Variants in IKBIP observed in about 807,000 individuals in gnomAD.
IKBIP encodes inhibitor of nuclear factor kappa-B kinase-interacting protein.
In IKBIP, 28 loss-of-function variants were observed where a neutral mutation model predicts 31.0. The ratio of observed to expected loss-of-function variants is 0.90; its 90% CI spans 0.67 to 1.24. The LOEUF is 1.24. Ranked by LOEUF, IKBIP falls within the 50% of genes most tolerant of loss-of-function variation. The pLI, the probability that IKBIP is intolerant of heterozygous loss-of-function variation, is 0.00. For missense variants in IKBIP, 453 were observed against 441.9 expected, an observed-to-expected ratio of 1.03 and a Z score of -0.23; for synonymous variants, 164 against 160.3, an observed-to-expected ratio of 1.02 and a Z score of -0.17.
intron 1 of IKBIP, among the ~76,000 whole-genome samples, chr12:98,635,682 T>G (rs1319736780): frequency 6.6e-6 from 1 of 152,184 alleles, no homozygotes; most frequent in African/African-American, 2.4e-5. Context: ...ACAAGAGTCG[T>G]CTATAAAAAG....
At position 98,624,789 on chromosome 12, in the gene IKBIP, C is replaced by T; in HGVS notation, c.*1141G>A. ...ATGTTACTTTTCCCTCAAAACAGGC[C>T]ACAGGCTTATTTTTATTTATTTATT... On this transcript the variant is annotated 3_prime_UTR_variant, in exon 3 of 3. Coordinates refer to ENST00000299157, the MANE Select transcript of IKBIP (RefSeq NM_153687.4). The T allele has an allele frequency of 1.2e-6, 1 of 869,356 alleles. No individual in the cohort carries two copies. The highest frequency in any genetic ancestry group is 1.4e-6 in the Non-Finnish European group (1 of 724,544). The allele number at this position is 869,356 out of a possible 1,614,324, so 53.9% of individuals were successfully genotyped here.
rs764951044 is a variant in IKBIP, at chr12:98,644,730, G to A, written c.-29C>T. ...TGGAGACCCTAGGACGACAAGCCCA[G>A]GGCAGCTTCTTCACCAGGGGGAGCA... On this transcript the variant is annotated 5_prime_UTR_variant, in exon 1 of 3. Transcript: ENST00000299157. The A allele has an allele frequency of 6.3e-7, 1 of 1,578,516 alleles. No individual in the cohort carries two copies. The highest frequency in any genetic ancestry group is 1.4e-5 in the African/African-American group (1 of 71,708).
chr12:98,623,061 C>T (rs1179724920), downstream of IKBIP, among the ~76,000 whole-genome samples: 1 of 150,642 alleles, frequency 6.6e-6, no homozygotes, highest in Non-Finnish European at 1.5e-5. Flanking sequence ...CTCACTGCAA[C>T]CTCTGCCTCC....
chr12:98,642,048 G>A lies in IKBIP; in HGVS notation c.179+2475C>T, dbSNP rs369119049. 9.9e-5 allele frequency among the ~76,000 whole-genome samples: 15 copies of A among 152,280 alleles called. 2 individuals carry two copies. Among genetic ancestry groups the A allele is most frequent in the East Asian group, 3.9e-4 (2 of 5,190 alleles). On this transcript the variant is annotated intron_variant, in intron 1 of 2. Transcript: ENST00000299157. The stretch of plus-strand genomic sequence containing the variant: ...ATGAATGTAATACATTCATTACAAT[G>A]TAATACAGGAATCACTAACAGCAAA...
chr12:98,625,874 A>G lies in IKBIP; in HGVS notation c.*56T>C, dbSNP rs1389999629. The G allele has an allele frequency of 2.3e-6, 3 of 1,304,618 alleles. No individual in the cohort carries two copies. The highest frequency in any genetic ancestry group is 2.0e-6 in the Non-Finnish European group (2 of 996,844). The allele number at this position is 1,304,618 out of a possible 1,614,324, so 80.8% of individuals were successfully genotyped here. ...GGCGTATCAAAGTAACTCAAAATCA[A>G]TGGACTAATCAATTTATGTATAATG... On this transcript the variant is annotated 3_prime_UTR_variant, in exon 3 of 3. Coordinates refer to ENST00000299157, the MANE Select transcript of IKBIP (RefSeq NM_153687.4).
chr12:98,616,892 A>G lies in IKBIP; in HGVS notation c.298-2552T>C, dbSNP rs146202487. ...GTTTGGATTACTACAGCTTTGTAATATATTTTGAGATCGGGTAGTGTGATG... is the reference window on the plus strand; with the variant it reads ...GTTTGGATTACTACAGCTTTGTAATGTATTTTGAGATCGGGTAGTGTGATG... On this transcript the variant is annotated intron_variant, in intron 2 of 2. Coordinates refer to the IKBIP transcript ENST00000342502. Among the ~76,000 whole-genome samples the G allele has an allele frequency of 5.7e-3, 870 of 152,180 alleles. 10 individuals are homozygous for G. Among genetic ancestry groups the G allele is most frequent in the African/African-American group, 0.02 (826 of 41,504 alleles).
At position 98,642,599 on chromosome 12, in the gene IKBIP, C is replaced by CTTT. The variant is rs11380575; in HGVS notation, c.179+1921_179+1923dup. Among the ~76,000 whole-genome samples the CTTT allele has an allele frequency of 1.6e-3, 180 of 115,250 alleles. 4 individuals are homozygous for CTTT. The highest frequency in any genetic ancestry group is 6.7e-3 in the Middle Eastern group (1 of 150). 75.6% of individuals were successfully genotyped at this position (115,250 alleles called of 152,430 possible). A position where few individuals can be genotyped will look rare whatever the true frequency, so the allele number is the denominator to read the frequency against. On this transcript the variant is annotated intron_variant, in intron 1 of 2. Coordinates refer to ENST00000299157, the MANE Select transcript of IKBIP (RefSeq NM_153687.4). ...TTAGTAAAATAAATAATGCTATCTG[C>CTTT]TTTTTTTTTTTTTTTTTTTGAGAAG...
At chr12:98,617,828 T>C (rs1392133538) in intron 2 of IKBIP, among the ~76,000 whole-genome samples, 1 of 152,248 alleles carries the variant, frequency 6.6e-6, no homozygotes, top group East Asian at 1.9e-4. Context: ...CCATTTATAA[T>C]GTGTAAGTCA....
downstream of IKBIP, among the ~76,000 whole-genome samples, chr12:98,621,713 T>G (rs1030687080): frequency 1.5e-4 from 23 of 152,150 alleles, no homozygotes; most frequent in African/African-American, 5.5e-4. Context: ...TAATAGCTAG[T>G]AAAGGTGTAG....
Position 98,624,870 on chromosome 12 carries a change from T to C in IKBIP, c.*1060A>G, listed in dbSNP as rs1039491374. ...CTCAGGCTGGAGTGCAGTGGCGCGA[T>C]CTCGGCTCACTGCAAGCTCTGCCTC... On this transcript the variant is annotated 3_prime_UTR_variant, in exon 3 of 3. Transcript: ENST00000299157. The C allele has an allele frequency of 2.1e-6, 1 of 476,892 alleles. No individual in the cohort carries two copies. The highest frequency in any genetic ancestry group is 2.1e-5 in the African/African-American group (1 of 47,404). 29.5% of individuals were successfully genotyped at this position (476,892 alleles called of 1,614,324 possible).
downstream of IKBIP, among the ~76,000 whole-genome samples, chr12:98,623,532 A>C (rs2097611680): frequency 7.1e-6 from 1 of 140,488 alleles, no homozygotes; most frequent in African/African-American, 2.8e-5. Flanking sequence ...GGAGTGAGCC[A>C]TTGTGCCTGG....
At chr12:98,637,687 G>A (rs976435479) in intron 1 of IKBIP, among the ~76,000 whole-genome samples, 4 of 152,000 alleles carry the variant, frequency 2.6e-5, no homozygotes, top group Admixed American at 6.6e-5. Context: ...GATTACAGGC[G>A]TGAGCCACCG....
chr12:98,632,513 ATATATATATATATATATAT>A (rs1278500331), intron 2 of IKBIP, among the ~76,000 whole-genome samples: 13 of 13,668 alleles, frequency 9.5e-4, no homozygotes, highest in South Asian at 6.3e-3. Context: ...AAAAAAAAAA[ATATATATATATATATATAT>A]ATATATATAT....
At chr12:98,632,483 GAAAAAAAAAAAAAA>G (rs71081871) in intron 2 of IKBIP, among the ~76,000 whole-genome samples, 4 of 11,566 alleles carry the variant, frequency 3.5e-4, no homozygotes, top group African/African-American at 1.2e-3. Flanking sequence ...GACTCTATCT[GAAAAAAAAAAAAAA>G]AAAAAAAAAA....
Position 98,627,660 on chromosome 12 carries a change from G to C in IKBIP, c.298-894C>G, listed in dbSNP as rs60605049. 9.8e-3 allele frequency among the ~76,000 whole-genome samples: 1,493 copies of C among 152,030 alleles called. 19 individuals are homozygous for C. Among genetic ancestry groups the C allele is most frequent in the African/African-American group, 0.034 (1,431 of 41,486 alleles). ...TCACCGTGTCAGCGAGGATGGTCTC[G>C]ATCCCCTGACCTCGTGATCCGCCCA... On this transcript the variant is annotated intron_variant, in intron 2 of 2. Coordinates refer to ENST00000299157, the MANE Select transcript of IKBIP (RefSeq NM_153687.4).
chr12:98,639,325 C>G (rs558277927), intron 1 of IKBIP, among the ~76,000 whole-genome samples: 27 of 152,286 alleles, frequency 1.8e-4, no homozygotes, highest in Admixed American at 1.2e-3. Context: ...GGCCTGTCCC[C>G]CTTTGAACAC....
chr12:98,624,371 G>T lies in IKBIP; in HGVS notation c.*1559C>A. On this transcript the variant is annotated 3_prime_UTR_variant, in exon 3 of 3. Transcript: ENST00000299157. Reference sequence around the variant, plus strand: ...TAATTTTAAGACTGCAAAAATTAATGCTATGCCCCTTAATAACAGAACTCT... The same window carrying T: ...TAATTTTAAGACTGCAAAAATTAATTCTATGCCCCTTAATAACAGAACTCT... 1 of 985,212 alleles carries T rather than the reference G, an allele frequency of 1.0e-6. No homozygotes were observed. The highest frequency in any genetic ancestry group is 4.7e-5 in the South Asian group (1 of 21,286). The allele number at this position is 985,212 out of a possible 1,614,324, so 61.0% of individuals were successfully genotyped here.
downstream of IKBIP, among the ~76,000 whole-genome samples, chr12:98,620,733 C>A (rs1355455665): frequency 3.3e-5 from 5 of 152,128 alleles, no homozygotes; most frequent in Non-Finnish European, 4.4e-5. Flanking sequence ...CCATTTAGAT[C>A]AGGCGCAGTG....
chr12:98,635,124 C>T (rs2097624684), intron 1 of IKBIP, among the ~76,000 whole-genome samples: 1 of 152,076 alleles, frequency 6.6e-6, no homozygotes, highest in South Asian at 2.1e-4. Context: ...TCCTCCTCAG[C>T]CTCCCAAGTA....
Sources: allele counts gnomAD v4.1 joint callset (sites outside exome capture counted in the v4.1 genomes callset), GRCh38; gene constraint gnomAD v4.1.1; transcripts MANE v1.5; gene names NCBI Gene and HGNC (gene_info 2026-07-23, HGNC 2026-07-21).